Variants in ADGRL3 observed in about 807,000 individuals in gnomAD.
The protein encoded by ADGRL3 is calcium-independent alpha-latrotoxin receptor 3.
In ADGRL3, 62 loss-of-function variants were observed where a neutral mutation model predicts 153.5. The ratio of observed to expected loss-of-function variants is 0.40; its 90% confidence interval spans 0.33 to 0.50. The LOEUF (loss-of-function observed/expected upper bound fraction) is 0.50. Among genes scored for constraint, ADGRL3 ranks in the 20% least tolerant of loss-of-function variants. The pLI is 0.47. For synonymous variants in ADGRL3, 710 were observed against 672.5 expected, an observed-to-expected ratio of 1.06 and a Z score of -0.86; for missense variants, 1,641 against 1,859.4, an observed-to-expected ratio of 0.88 and a Z score of 2.16.
At chr4:61,210,685 C>T (rs989941660) in intron 1 of ADGRL3, among the ~76,000 whole-genome samples, 6 of 152,036 alleles carry the variant, frequency 3.9e-5, no homozygotes, top group African/African-American at 1.5e-4. Context: ...TTCATTAACA[C>T]CTTTTGTTTT....
chr4:61,539,644 G>T (rs1323641450), intron 4 of ADGRL3, among the ~76,000 whole-genome samples: 1 of 152,152 alleles, frequency 6.6e-6, no homozygotes, highest in East Asian at 1.9e-4. Context: ...TCAGGCCTGA[G>T]GGGGAGAGCC....
At chr4:62,068,594 C>T (rs1476827971) in intron 26 of ADGRL3, among the ~76,000 whole-genome samples, 7 of 152,082 alleles carry the variant, frequency 4.6e-5, no homozygotes, top group African/African-American at 9.7e-5. Flanking sequence ...ATAATAAACA[C>T]GTGTTTCAAT....
chr4:61,497,258 A>G lies in ADGRL3; in HGVS notation c.-36A>G, dbSNP rs1173175104. On this transcript the variant is annotated 5_prime_UTR_variant, in exon 3 of 27. Coordinates refer to ENST00000683033, the MANE Select transcript of ADGRL3 (RefSeq NM_001387552.1). ...TATTTTGTTTCACATTTGAACAGTC[A>G]TTCTTGAGGAATACTCCATACCTGA... 4 of 1,368,030 alleles carry G rather than the reference A, an allele frequency of 2.9e-6. No individual in the cohort carries two copies. Among genetic ancestry groups the G allele is most frequent in the East Asian group, 4.7e-5 (2 of 42,874 alleles). 84.7% of individuals were successfully genotyped at this position (1,368,030 alleles called of 1,614,324 possible).
intron 17 of ADGRL3, among the ~76,000 whole-genome samples, chr4:61,978,283 TA>T (rs1034905540): frequency 6.6e-6 from 1 of 152,154 alleles, no homozygotes; most frequent in African/African-American, 2.4e-5. Context: ...TTTCATCTTT[TA>T]AAATTTTGCA....
At position 61,362,553 on chromosome 4, in the gene ADGRL3, G is replaced by C. The variant is rs551253567; in HGVS notation, c.-239-20571G>C. ...GAATCAACACATATTTTATAGGTTA[G>C]GTATTGTATATTGTATTCTGAAAGT... On this transcript the variant is annotated intron_variant, in intron 1 of 26. Coordinates refer to ENST00000683033, the MANE Select transcript of ADGRL3 (RefSeq NM_001387552.1). 2.0e-5 allele frequency among the ~76,000 whole-genome samples: 3 copies of C among 152,066 alleles called. No homozygotes were observed. In the South Asian group the frequency reaches 6.2e-4, roughly 32 times the overall value.
intron 1 of ADGRL3, among the ~76,000 whole-genome samples, chr4:61,350,650 T>C (rs921503322): frequency 3.3e-5 from 5 of 152,154 alleles, no homozygotes; most frequent in Admixed American, 6.6e-5. Flanking sequence ...TACTACAATA[T>C]TTCAAACTTT....
intron 6 of ADGRL3, among the ~76,000 whole-genome samples, chr4:61,691,920 C>G (rs2095546332): frequency 6.6e-6 from 1 of 152,066 alleles, no homozygotes. Flanking sequence ...GCAAATTAAT[C>G]ATTAAACACT....
intron 2 of ADGRL3, among the ~76,000 whole-genome samples, chr4:61,390,575 T>C (rs1213050434): frequency 6.6e-6 from 1 of 152,228 alleles, no homozygotes. Context: ...TTAAATTTTT[T>C]GAGAACATAC....
intron 13 of ADGRL3, among the ~76,000 whole-genome samples, chr4:61,921,003 A>G (rs2098766395): frequency 6.6e-6 from 1 of 152,050 alleles, no homozygotes; most frequent in Admixed American, 6.6e-5. Context: ...AACACAGTGA[A>G]ATCTTATTCA....
chr4:62,038,523 T>G (rs537569871), intron 24 of ADGRL3, among the ~76,000 whole-genome samples: 1 of 152,232 alleles, frequency 6.6e-6, no homozygotes, highest in Non-Finnish European at 1.5e-5. Flanking sequence ...AACTCTTGGA[T>G]GTTAAGATGA....
At chr4:61,523,699 C>G (rs968320761) in intron 4 of ADGRL3, among the ~76,000 whole-genome samples, 4 of 151,844 alleles carry the variant, frequency 2.6e-5, no homozygotes, top group African/African-American at 7.3e-5. Flanking sequence ...CTGTTTTTCT[C>G]CTAAATGGTA....
At chr4:61,716,413 T>C (rs1390686172) in intron 6 of ADGRL3, among the ~76,000 whole-genome samples, 4 of 152,182 alleles carry the variant, frequency 2.6e-5, no homozygotes, top group Non-Finnish European at 5.9e-5. Context: ...TCTTCTGCCT[T>C]CTTGAAGTTT....
At chr4:62,021,834 C>T (rs2099239702) in intron 21 of ADGRL3, among the ~76,000 whole-genome samples, 1 of 152,166 alleles carries the variant, frequency 6.6e-6, no homozygotes, top group South Asian at 2.1e-4. Flanking sequence ...TGTGTTCTGA[C>T]TGTTCCACCG....
chr4:61,737,266 G>C (rs1055656118), intron 8 of ADGRL3, among the ~76,000 whole-genome samples: 1 of 152,112 alleles, frequency 6.6e-6, no homozygotes, highest in African/African-American at 2.4e-5. Context: ...TTTTTGCCAT[G>C]ATTTTAACTG....
intron 1 of ADGRL3, among the ~76,000 whole-genome samples, chr4:61,347,585 G>T (rs1210895023): frequency 1.3e-5 from 2 of 152,020 alleles, no homozygotes; most frequent in African/African-American, 4.8e-5. Context: ...AAAGTCCTTG[G>T]AAAGTAATGA....
chr4:61,487,589 C>G (rs932691981), intron 2 of ADGRL3, among the ~76,000 whole-genome samples: 2 of 152,000 alleles, frequency 1.3e-5, no homozygotes, highest in Non-Finnish European at 2.9e-5. Flanking sequence ...TTAAGTGTAG[C>G]TTACTTGCCT....
At chr4:61,755,084 T>C (rs2096807094) in intron 8 of ADGRL3, among the ~76,000 whole-genome samples, 1 of 152,208 alleles carries the variant, frequency 6.6e-6, no homozygotes, top group Non-Finnish European at 1.5e-5. Context: ...AACATATGTG[T>C]GCATGTGTCT....
At chr4:62,008,369 G>A (rs2099169060) in intron 21 of ADGRL3, among the ~76,000 whole-genome samples, 1 of 152,096 alleles carries the variant, frequency 6.6e-6, no homozygotes, top group African/African-American at 2.4e-5. Context: ...ACACGAGTAG[G>A]CAAAAGAGTA....
chr4:61,677,273 CA>C, intron 6 of ADGRL3: 1 of 298,098 alleles, frequency 3.4e-6, no homozygotes, highest in South Asian at 3.3e-5. Context: ...TGAAAATGAG[CA>C]ATACAATTTT....
Sources: allele counts gnomAD v4.1 joint callset (sites outside exome capture counted in the v4.1 genomes callset), GRCh38; gene constraint gnomAD v4.1.1; transcripts MANE v1.5; gene names NCBI Gene and HGNC (gene_info 2026-07-23, HGNC 2026-07-21).